Variants in RAPGEF1 observed in about 807,000 individuals in gnomAD.
The protein encoded by RAPGEF1 is CRK SH3-binding GNRP.
RAPGEF1 carries 33 observed loss-of-function variants against 143.3 expected under a neutral mutation model. That is an observed-to-expected ratio of 0.23 (90% confidence interval 0.17 to 0.31). The LOEUF (loss-of-function observed/expected upper bound fraction) is 0.31, where lower values mean the gene tolerates loss of function less well. RAPGEF1 is among the 10% of genes least tolerant of loss of function. RAPGEF1 has a pLI of 1.00. For synonymous variants in RAPGEF1, 629 were observed against 676.5 expected (o/e 0.93, Z 1.09); for missense variants, 1,199 against 1,645.4 (o/e 0.73, Z 4.69).
At chr9:131,681,354 C>T (rs902799548) in intron 1 of RAPGEF1, among the ~76,000 whole-genome samples, 1 of 152,102 alleles carries the variant, frequency 6.6e-6, no homozygotes, top group Non-Finnish European at 1.5e-5. Flanking sequence ...GCAAGCTAGA[C>T]GAGGGAGTGA....
intron 1 of RAPGEF1, among the ~76,000 whole-genome samples, chr9:131,707,780 A>AGT (rs1366311395): frequency 6.6e-6 from 1 of 152,246 alleles, no homozygotes; most frequent in Non-Finnish European, 1.5e-5. Context: ...GGAAAATCAC[A>AGT]GAGTGATTAT....
chr9:131,600,681 C>A (rs1342803513), intron 15 of RAPGEF1, among the ~76,000 whole-genome samples: 1 of 152,202 alleles, frequency 6.6e-6, no homozygotes, highest in African/African-American at 2.4e-5. Context: ...GTGGCTAAAG[C>A]TTGACCTAAG....
chr9:131,660,875 G>C (rs147842425), intron 1 of RAPGEF1, among the ~76,000 whole-genome samples: 9 of 152,306 alleles, frequency 5.9e-5, no homozygotes, highest in African/African-American at 1.9e-4. Flanking sequence ...CATTTTACTT[G>C]CATAACTGGT....
chr9:131,620,219 C>A (rs1960427641), intron 11 of RAPGEF1, among the ~76,000 whole-genome samples: 3 of 151,958 alleles, frequency 2.0e-5, no homozygotes, highest in Admixed American at 1.3e-4. Flanking sequence ...GGAGAAGATG[C>A]CCAAGGATGG....
chr9:131,664,240 C>T (rs1408858973), intron 1 of RAPGEF1, among the ~76,000 whole-genome samples: 1 of 152,106 alleles, frequency 6.6e-6, no homozygotes. Context: ...CCCATTTCTC[C>T]AGGAAATCAG....
chr9:131,678,022 A>C (rs537160516), intron 1 of RAPGEF1, among the ~76,000 whole-genome samples: 1 of 152,264 alleles, frequency 6.6e-6, no homozygotes, highest in Non-Finnish European at 1.5e-5. Context: ...AATAATTAAT[A>C]GAACATACTC....
chr9:131,707,091 T>C (rs2131174277), intron 1 of RAPGEF1, among the ~76,000 whole-genome samples: 1 of 152,330 alleles, frequency 6.6e-6, no homozygotes, highest in East Asian at 1.9e-4. Context: ...GTAAACATAT[T>C]AAATTTCTAT....
intron 13 of RAPGEF1, among the ~76,000 whole-genome samples, chr9:131,604,417 ATC>A (rs1564501945): frequency 1.3e-5 from 2 of 152,202 alleles, no homozygotes; most frequent in African/African-American, 4.8e-5. Context: ...GTCTGCTCCA[ATC>A]TGCAAGGCAG....
At chr9:131,594,737 C>T (rs978118552) in intron 17 of RAPGEF1, among the ~76,000 whole-genome samples, 12 of 152,218 alleles carry the variant, frequency 7.9e-5, no homozygotes, top group African/African-American at 2.7e-4. Flanking sequence ...AAGCTCCCAC[C>T]GGCACGGAGC....
chr9:131,629,168 TCTGGGAGGAGCTCAGTTG>T lies in RAPGEF1; in HGVS notation c.809_826del (p.Ser270_Asp276delinsTyr). 6.2e-7 allele frequency: 1 copy of T among 1,614,020 alleles called. No homozygotes were observed. The highest frequency in any genetic ancestry group is 8.5e-7 in the Non-Finnish European group (1 of 1,179,896). ...GGGCGCGACCTCTTCATCCGTGGCA[TCTGGGAGGAGCTCAGTTG>T]ACTGTGACATCCCAGTCGTCTTGTT... On this transcript the variant is annotated inframe_deletion, in exon 7 of 27. Transcript: ENST00000683357.
intron 17 of RAPGEF1, 43 bp downstream of exon 17, chr9:131,596,255 G>A (rs768738556): frequency 6.9e-6 from 11 of 1,597,314 alleles, no homozygotes; most frequent in South Asian, 3.3e-5. Flanking sequence ...GTGGCACCCG[G>A]GGCAGGACCA....
At chr9:131,597,830 A>G (rs1474851016) in intron 16 of RAPGEF1, among the ~76,000 whole-genome samples, 1 of 151,920 alleles carries the variant, frequency 6.6e-6, no homozygotes, top group Non-Finnish European at 1.5e-5. Context: ...GCTACAGTGG[A>G]GCTATTTTTT....
intron 1 of RAPGEF1, among the ~76,000 whole-genome samples, chr9:131,734,046 G>A (rs1315950793): frequency 1.3e-5 from 2 of 152,148 alleles, no homozygotes; most frequent in Non-Finnish European, 2.9e-5. Flanking sequence ...CTAGTATTAC[G>A]AGTATCAGAC....
chr9:131,648,647 T>C (rs565306644), intron 3 of RAPGEF1, among the ~76,000 whole-genome samples: 1 of 152,198 alleles, frequency 6.6e-6, no homozygotes, highest in Non-Finnish European at 1.5e-5. Flanking sequence ...CCAAATCTAC[T>C]GTATTACTCT....
intron 10 of RAPGEF1, among the ~76,000 whole-genome samples, chr9:131,623,951 G>A (rs538036863): frequency 1.3e-5 from 2 of 152,344 alleles, no homozygotes; most frequent in South Asian, 2.1e-4. Flanking sequence ...GGTCCCCTCG[G>A]GGAGTGAACA....
At chr9:131,606,807 T>G (rs987473659) in intron 12 of RAPGEF1, among the ~76,000 whole-genome samples, 1 of 152,160 alleles carries the variant, frequency 6.6e-6, no homozygotes, top group East Asian at 1.9e-4. Context: ...GATTTTTTTG[T>G]AGAAACGGGG....
intron 1 of RAPGEF1, among the ~76,000 whole-genome samples, chr9:131,700,277 T>C (rs1253371116): frequency 6.6e-6 from 1 of 152,166 alleles, no homozygotes; most frequent in East Asian, 1.9e-4. Context: ...GCGCCACCTC[T>C]TCCTTTTCCG....
At chr9:131,615,654 CCTTATT>C (rs1228686133) in intron 12 of RAPGEF1, among the ~76,000 whole-genome samples, 1 of 152,140 alleles carries the variant, frequency 6.6e-6, no homozygotes, top group Admixed American at 6.5e-5. Context: ...CCCCTCATTA[CCTTATT>C]CTAAGTGTTT....
In RAPGEF1 at chr9:131,650,030, A is replaced by G; in HGVS notation, c.315+99T>C. On this transcript the variant is annotated intron_variant, in intron 3 of 26. Transcript: ENST00000683357. This position sits in a 1 kb window ranked among gnomAD's most constrained non-coding sequence, Gnocchi z 4.7. ...CACGGTCACCACCCAGTTGAACATA[A>G]TAATAGTGCAATAGAGTTTTTTCCA... 4.2e-6 allele frequency: 4 copies of G among 949,742 alleles called. No individual in the cohort carries two copies. Among genetic ancestry groups the G allele is most frequent in the Non-Finnish European group, 4.8e-6 (3 of 629,758 alleles). 58.8% of individuals were successfully genotyped at this position (949,742 alleles called of 1,614,324 possible). A position where few individuals can be genotyped will look rare whatever the true frequency, so the allele number is the denominator to read the frequency against.
Sources: gnomAD v4.1 joint callset for allele counts (sites outside exome capture counted in the v4.1 genomes callset) on GRCh38, gnomAD v4.1.1 for gene constraint, Gnocchi (gnomAD v3.1) non-coding constraint, MANE v1.5 for transcripts, NCBI Gene and HGNC (gene_info 2026-07-23, HGNC 2026-07-21) for gene names.